SYNRG: variants seen among roughly 807,000 people sequenced by gnomAD.
SYNRG encodes synergin gamma, also known as AP1 gamma subunit binding protein 1.
Under a neutral mutation model 130.9 loss-of-function variants are expected in SYNRG, and 37 were observed. The observed-to-expected ratio is 0.28, with a 90% CI of 0.22 to 0.37. The LOEUF (loss-of-function observed/expected upper bound fraction) is 0.37, where lower values mean the gene tolerates loss of function less well. Ranked by LOEUF, SYNRG falls within the 10% of genes least tolerant of loss-of-function variation. The probability of loss-of-function intolerance (pLI) is 1.00; values close to 1 mark genes in which losing one functional copy is unlikely to be tolerated. For missense variants in SYNRG, 1,338 were observed against 1,588.9 expected (o/e 0.84, Z 2.68); for synonymous variants, 539 against 568.1 (o/e 0.95, Z 0.73).
Position 37,542,216 on chromosome 17 carries a change from T to TTTA in SYNRG, c.2955_2957dup (p.Tyr985_Lys986insAsn). On this transcript the variant is annotated inframe_insertion, in exon 15 of 22. Transcript: ENST00000612223. ...TAGGCAGGTCCTGTTTTGTGAAATC[T>TTTA]TTATAGTCTCTGTTTTCATATTCCT... 1 of 1,614,236 alleles carries TTTA rather than the reference T, an allele frequency of 6.2e-7. No homozygotes were observed. The highest frequency in any genetic ancestry group is 8.5e-7 in the Non-Finnish European group (1 of 1,180,044).
chr17:37,518,652 C>T lies in SYNRG; in HGVS notation c.*288G>A. 2.7e-6 allele frequency: 1 copy of T among 365,118 alleles called. No individual in the cohort carries two copies. 22.6% of individuals were successfully genotyped at this position (365,118 alleles called of 1,614,324 possible). Reference sequence around the variant, plus strand: ...TCAGTTCTTCACAGTTTCAATACTGCAGCAGCAAGTTCTTCCTTAGATCAA... The same window carrying T: ...TCAGTTCTTCACAGTTTCAATACTGTAGCAGCAAGTTCTTCCTTAGATCAA... On this transcript the variant is annotated 3_prime_UTR_variant, in exon 22 of 22. Coordinates refer to ENST00000612223, the MANE Select transcript of SYNRG (RefSeq NM_007247.6).
intron 16 of SYNRG, among the ~76,000 whole-genome samples, chr17:37,540,165 G>T (rs988028865): frequency 6.6e-6 from 1 of 152,146 alleles, no homozygotes; most frequent in Non-Finnish European, 1.5e-5. Flanking sequence ...TGGTTTTAGG[G>T]TCACTGATTA....
chr17:37,540,312 A>G, intron 16 of SYNRG, 68 bp downstream of exon 16: 12 of 1,505,032 alleles, frequency 8.0e-6, no homozygotes, highest in East Asian at 2.3e-5. Context: ...AGCTGACAGC[A>G]TTCTTTCTTG....
Position 37,609,319 on chromosome 17 carries a change from C to T in SYNRG, c.37G>A (p.Gly13Arg). ...GACCCCGCGCCAGCTCCCGCGGCCC[C>T]GCCGCCACCAGAACCAGCTCCTGGC... ...LRPGAGSGGG[G>R]AAGAGAGSAG... The change falls in exon 1 of 22, where the codon GGG (glycine) becomes AGG (arginine). Residue 13 changes from glycine (G) to arginine (R), a missense_variant. Physicochemically the swap from Gly to Arg is moderately radical, Grantham distance 125 (BLOSUM62 -2). Transcript: ENST00000612223. 3.4e-6 allele frequency: 5 copies of T among 1,468,540 alleles called. No individual in the cohort carries two copies. The allele number at this position is 1,468,540 out of a possible 1,614,324, so 91.0% of individuals were successfully genotyped here. A position where few individuals can be genotyped will look rare whatever the true frequency, so the allele number is the denominator to read the frequency against.
intron 13 of SYNRG, among the ~76,000 whole-genome samples, chr17:37,556,905 CTTTG>C (rs146198175): frequency 0.16 from 24,349 of 151,902 alleles, 2,103 homozygotes; most frequent in Middle Eastern, 0.27. Flanking sequence ...ACAAGTATTG[CTTTG>C]TTTGTTTGTT....
chr17:37,584,781 C>G (rs747183632), intron 5 of SYNRG, 22 bp from the exon 6 acceptor site: 1 of 1,559,254 alleles, frequency 6.4e-7, no homozygotes, highest in African/African-American at 1.4e-5. Context: ...CAAATATATG[C>G]GTATTTCTTT....
At chr17:37,581,244 G>C (rs527635869) in intron 6 of SYNRG, among the ~76,000 whole-genome samples, 290 of 151,494 alleles carry the variant, frequency 1.9e-3, no homozygotes, top group Middle Eastern at 3.5e-3. Context: ...CTATTTTATT[G>C]TTGCTTCTTC....
intron 13 of SYNRG, among the ~76,000 whole-genome samples, chr17:37,558,329 C>T (rs2059270226): frequency 6.6e-6 from 1 of 152,140 alleles, no homozygotes; most frequent in East Asian, 1.9e-4. Context: ...TAAAAGATTG[C>T]TGAAGGATGT....
At position 37,596,370 on chromosome 17, in the gene SYNRG, G is replaced by A. The variant is rs575947239; in HGVS notation, c.119-26C>T. 27 of 1,611,674 alleles carry A rather than the reference G, an allele frequency of 1.7e-5. No individual in the cohort carries two copies. In the East Asian group the frequency reaches 4.5e-4, roughly 27 times the overall value. ...CTGAAAATATAAAGACATTATTAAA[G>A]TCAATGTGTTTTAAAGTTTATTTTC... On this transcript the variant is annotated intron_variant, in intron 2 of 21. Coordinates refer to ENST00000612223, the MANE Select transcript of SYNRG (RefSeq NM_007247.6).
At chr17:37,557,100 T>C (rs1202379033) in intron 13 of SYNRG, 1 of 152,224 alleles carries the variant, frequency 6.6e-6, no homozygotes. Flanking sequence ...ATATTAAGCA[T>C]ATTATTTCAT....
intron 19 of SYNRG, among the ~76,000 whole-genome samples, chr17:37,525,693 A>C (rs367981619): frequency 3.5e-4 from 53 of 151,714 alleles, no homozygotes; most frequent in Middle Eastern, 3.4e-3. Flanking sequence ...AAATGCCGGG[A>C]GCGGTGGCTC....
intron 14 of SYNRG, among the ~76,000 whole-genome samples, chr17:37,552,021 T>C (rs2058746898): frequency 6.6e-6 from 1 of 152,190 alleles, no homozygotes; most frequent in African/African-American, 2.4e-5. Flanking sequence ...GCAGCCTGTT[T>C]AGCAATACCT....
chr17:37,525,844 T>C (rs1257987209), intron 19 of SYNRG, among the ~76,000 whole-genome samples: 3 of 152,324 alleles, frequency 2.0e-5, no homozygotes, highest in Non-Finnish European at 2.9e-5. Flanking sequence ...CGCTTGCCTG[T>C]AATCCCAGCT....
At chr17:37,585,129 AT>A (rs1344646664) in intron 5 of SYNRG, among the ~76,000 whole-genome samples, 195 bp downstream of exon 5, 2 of 152,382 alleles carry the variant, frequency 1.3e-5, no homozygotes, top group Admixed American at 6.5e-5. Context: ...CTGATAGCCT[AT>A]TCTCATTGAC....
intron 2 of SYNRG, among the ~76,000 whole-genome samples, chr17:37,599,447 G>A (rs1188075468): frequency 3.3e-5 from 5 of 152,248 alleles, no homozygotes; most frequent in African/African-American, 9.6e-5. Context: ...TTGGCCGGAT[G>A]TGGTGGCTCA....
chr17:37,566,748 C>T (rs1418598885), intron 11 of SYNRG: 2 of 152,242 alleles, frequency 1.3e-5, no homozygotes, highest in African/African-American at 4.8e-5. Flanking sequence ...CATCTTAAAA[C>T]TTTCTACCCC....
At chr17:37,550,232 C>T (rs1466367159) in intron 14 of SYNRG, among the ~76,000 whole-genome samples, 1 of 152,118 alleles carries the variant, frequency 6.6e-6, no homozygotes, top group Non-Finnish European at 1.5e-5. Flanking sequence ...TTCTTTCTCC[C>T]TATCATGTAA....
chr17:37,600,258 T>C (rs2147010641), intron 2 of SYNRG, 105 bp downstream of exon 2: 1 of 1,014,426 alleles, frequency 9.9e-7, no homozygotes, highest in Non-Finnish European at 1.4e-6. Flanking sequence ...AAAATTTTAC[T>C]CTATTCAGCA....
intron 3 of SYNRG, among the ~76,000 whole-genome samples, chr17:37,588,327 A>G (rs1339679279): frequency 2.7e-5 from 4 of 147,818 alleles, no homozygotes; most frequent in African/African-American, 1.0e-4. Flanking sequence ...CAGTAGGGCA[A>G]TCTCAGCTCA....
Sources: allele counts gnomAD v4.1 joint callset (sites outside exome capture counted in the v4.1 genomes callset), GRCh38; gene constraint gnomAD v4.1.1; transcripts MANE v1.5; gene names NCBI Gene and HGNC (gene_info 2026-07-23, HGNC 2026-07-21).